The following CACNA2D3 variants were observed in gnomAD, a reference collection of about 807,000 sequenced individuals.
CACNA2D3 encodes the protein calcium voltage-gated channel auxiliary subunit alpha2delta 3, also known as voltage-dependent calcium channel subunit alpha-2/delta-3.
Under a neutral mutation model 160.6 loss-of-function variants are expected in CACNA2D3, and 60 were observed. The observed-to-expected ratio is 0.37, with a 90% CI of 0.30 to 0.46. The LOEUF (loss-of-function observed/expected upper bound fraction) is 0.46. CACNA2D3 is among the 20% of genes least tolerant of loss of function. The probability of loss-of-function intolerance (pLI) is 1.00; values close to 1 mark genes in which losing one functional copy is unlikely to be tolerated. For missense variants in CACNA2D3, 1,205 were observed against 1,365.0 expected (o/e 0.88, Z 1.85); for synonymous variants, 558 against 492.9 (o/e 1.13, Z -1.75).
chr3:54,943,109 A>G (rs925373684), intron 27 of CACNA2D3, among the ~76,000 whole-genome samples: 1 of 151,862 alleles, frequency 6.6e-6, no homozygotes, highest in Admixed American at 6.6e-5. Flanking sequence ...GGTTGAGGCA[A>G]GAGGATCACT....
At chr3:54,152,107 G>T (rs1389143459) in intron 2 of CACNA2D3, among the ~76,000 whole-genome samples, 2 of 152,222 alleles carry the variant, frequency 1.3e-5, no homozygotes, top group African/African-American at 4.8e-5. Flanking sequence ...AGATTGACTT[G>T]TGTTTGGTTA....
At chr3:54,447,881 T>G (rs1452351852) in intron 4 of CACNA2D3, among the ~76,000 whole-genome samples, 2 of 152,232 alleles carry the variant, frequency 1.3e-5, no homozygotes, top group Non-Finnish European at 2.9e-5. Context: ...AATGGATTTA[T>G]GTTCTTCAAT....
chr3:54,402,895 A>T (rs1471275666), intron 4 of CACNA2D3, among the ~76,000 whole-genome samples: 1 of 152,226 alleles, frequency 6.6e-6, no homozygotes, highest in Non-Finnish European at 1.5e-5. Flanking sequence ...AGTAAGTCTT[A>T]ACAAACTTAA....
At chr3:54,412,892 G>A (rs761715396) in intron 4 of CACNA2D3, among the ~76,000 whole-genome samples, 1 of 121,550 alleles carries the variant, frequency 8.2e-6, no homozygotes, top group African/African-American at 3.3e-5. Flanking sequence ...TTTTTGTTTT[G>A]CTTTTGATTT....
chr3:54,952,167 G>A (rs112428252), intron 27 of CACNA2D3, among the ~76,000 whole-genome samples: 15 of 152,272 alleles, frequency 9.9e-5, no homozygotes, highest in African/African-American at 3.1e-4. Flanking sequence ...TTTATAAACT[G>A]CCTCCTGCAC....
intron 35 of CACNA2D3, among the ~76,000 whole-genome samples, chr3:55,051,091 TC>T (rs1268098233): frequency 1.3e-5 from 2 of 149,062 alleles, no homozygotes; most frequent in East Asian, 3.9e-4. Flanking sequence ...TCTGAAGCCT[TC>T]TTCTCTCAGC....
At chr3:54,726,550 T>C (rs1701280823) in intron 11 of CACNA2D3, among the ~76,000 whole-genome samples, 1 of 152,192 alleles carries the variant, frequency 6.6e-6, no homozygotes, top group African/African-American at 2.4e-5. Context: ...CATGGTGTAC[T>C]GGTACCAAAA....
At chr3:54,715,363 T>C (rs1211876361) in intron 11 of CACNA2D3, among the ~76,000 whole-genome samples, 1 of 152,190 alleles carries the variant, frequency 6.6e-6, no homozygotes, top group African/African-American at 2.4e-5. Context: ...CCTCTCTGGA[T>C]GCACCACACT....
chr3:54,869,609 C>T (rs1322812787), intron 17 of CACNA2D3, among the ~76,000 whole-genome samples: 1 of 152,168 alleles, frequency 6.6e-6, no homozygotes. Context: ...AGGATCTGGG[C>T]TGTGTGAGTT....
intron 6 of CACNA2D3, among the ~76,000 whole-genome samples, chr3:54,565,750 G>T (rs1444079742): frequency 6.6e-6 from 1 of 152,092 alleles, no homozygotes; most frequent in Admixed American, 6.5e-5. Flanking sequence ...CTGATACCCC[G>T]TTTCCAAGGG....
chr3:54,747,133 G>T (rs552246906), intron 11 of CACNA2D3, among the ~76,000 whole-genome samples: 2 of 152,044 alleles, frequency 1.3e-5, no homozygotes, highest in Non-Finnish European at 2.9e-5. Context: ...GACCTCATCT[G>T]CTTGGTGGCA....
chr3:55,022,016 A>T (rs1422371219), intron 35 of CACNA2D3, among the ~76,000 whole-genome samples: 1 of 152,096 alleles, frequency 6.6e-6, no homozygotes, highest in Non-Finnish European at 1.5e-5. Flanking sequence ...GACAAAGTAT[A>T]CAAATTATGT....
intron 35 of CACNA2D3, among the ~76,000 whole-genome samples, chr3:55,067,102 G>GGC (rs1416853158): frequency 7.1e-6 from 1 of 140,058 alleles, no homozygotes; most frequent in African/African-American, 3.0e-5. Context: ...CTTTTGTAGC[G>GGC]GGGGGGGCTT....
At chr3:54,519,145 G>A (rs80005161) in intron 5 of CACNA2D3, among the ~76,000 whole-genome samples, 1,359 of 19,946 alleles carry the variant, frequency 0.068, 26 homozygotes, top group African/African-American at 0.21. Flanking sequence ...GACATGAAAT[G>A]CCTACACCTG....
chr3:54,266,172 T>C (rs1015697963), intron 2 of CACNA2D3, among the ~76,000 whole-genome samples: 6 of 152,192 alleles, frequency 3.9e-5, no homozygotes, highest in African/African-American at 1.4e-4. Flanking sequence ...CTGAGCTTTG[T>C]AGAAGTGAGA....
intron 11 of CACNA2D3, among the ~76,000 whole-genome samples, chr3:54,740,413 T>C (rs1163296952): frequency 1.3e-5 from 2 of 152,176 alleles, no homozygotes; most frequent in Non-Finnish European, 2.9e-5. Context: ...ACTGAAGTCC[T>C]ACCGGCAGCT....
At chr3:54,521,389 G>A (rs963985624) in intron 5 of CACNA2D3, among the ~76,000 whole-genome samples, 3 of 151,920 alleles carry the variant, frequency 2.0e-5, no homozygotes, top group Admixed American at 6.6e-5. Context: ...ATCTTTAATC[G>A]GGTAGTCTTT....
chr3:54,476,647 C>G (rs1420696469), intron 4 of CACNA2D3, among the ~76,000 whole-genome samples: 1 of 152,132 alleles, frequency 6.6e-6, no homozygotes, highest in East Asian at 1.9e-4. Flanking sequence ...TTGCATTTCC[C>G]TGGTGATTAG....
chr3:54,735,981 GTA>G (rs1159479484), intron 11 of CACNA2D3, among the ~76,000 whole-genome samples: 4 of 88,014 alleles, frequency 4.5e-5, no homozygotes, highest in Non-Finnish European at 1.0e-4. Context: ...TTCCATGCAT[GTA>G]TATATATATA....
Sources: gnomAD v4.1 joint callset for allele counts (sites outside exome capture counted in the v4.1 genomes callset) on GRCh38, gnomAD v4.1.1 for gene constraint, MANE v1.5 for transcripts, NCBI Gene and HGNC (gene_info 2026-07-23, HGNC 2026-07-21) for gene names.